ATP11B: variants seen among roughly 807,000 people sequenced by gnomAD.
The protein encoded by ATP11B is ATPase phospholipid transporting 11B (putative).
ATP11B carries 81 observed loss-of-function variants against 157.8 expected under a neutral mutation model. The ratio of observed to expected loss-of-function variants is 0.51; its 90% CI spans 0.43 to 0.62. The LOEUF (loss-of-function observed/expected upper bound fraction) is 0.62, where lower values mean the gene tolerates loss of function less well. ATP11B is among the 20% of genes least tolerant of loss of function. ATP11B has a pLI of 0.00. For missense variants in ATP11B, 1,165 were observed against 1,402.2 expected (o/e 0.83, Z 2.70); for synonymous variants, 451 against 469.4 (o/e 0.96, Z 0.51).
At chr3:182,834,359 G>A (rs1718379958) in intron 4 of ATP11B, among the ~76,000 whole-genome samples, 1 of 151,994 alleles carries the variant, frequency 6.6e-6, no homozygotes, top group Non-Finnish European at 1.5e-5. Flanking sequence ...AAAAATAATA[G>A]ATGCACATTT....
intron 8 of ATP11B, 81 bp from the exon 9 acceptor site, chr3:182,845,377 C>A: frequency 8.3e-7 from 1 of 1,199,000 alleles, no homozygotes; most frequent in Non-Finnish European, 1.2e-6. Context: ...AGCTTAAGTA[C>A]CTTCTGCTGA....
rs1721245303 is a variant in ATP11B at position 182,866,508 on chromosome 3, A to G, written c.1619+65A>G. The G allele has an allele frequency of 8.5e-6, 11 of 1,300,638 alleles. No individual in the cohort carries two copies. In the Middle Eastern group the frequency reaches 8.1e-4, roughly 95 times the overall value. The allele number at this position is 1,300,638 out of a possible 1,614,324, so 80.6% of individuals were successfully genotyped here. A position where few individuals can be genotyped will look rare whatever the true frequency, so the allele number is the denominator to read the frequency against. On this transcript the variant is annotated intron_variant, in intron 14 of 29. Transcript: ENST00000323116. ...TTTAAATAAATGTAACAATATTAGAATCATCATTTAAAATTTTCAAACATA... is the reference window on the plus strand; with the variant it reads ...TTTAAATAAATGTAACAATATTAGAGTCATCATTTAAAATTTTCAAACATA...
chr3:182,798,424 G>T (rs923240470), intron 1 of ATP11B, among the ~76,000 whole-genome samples: 1 of 152,236 alleles, frequency 6.6e-6, no homozygotes, highest in South Asian at 2.1e-4. Flanking sequence ...ACTGGCCTAG[G>T]GTGGTATTTT....
intron 25 of ATP11B, among the ~76,000 whole-genome samples, chr3:182,891,450 A>G (rs1187674988): frequency 2.6e-5 from 4 of 151,902 alleles, no homozygotes; most frequent in Admixed American, 6.6e-5. Flanking sequence ...CTTTTTTGCT[A>G]TTTTCATTAA....
chr3:182,837,295 G>T, intron 7 of ATP11B, 121 bp downstream of exon 7: 1 of 652,254 alleles, frequency 1.5e-6, no homozygotes. Context: ...GGGTGGGTTG[G>T]TGGGAGATGC....
Position 182,873,906 on chromosome 3 carries a change from A to C in ATP11B, c.2143A>C (p.Ser715Arg). The change falls in exon 19 of 30, where the codon AGT becomes CGT. Residue 715 changes from serine to arginine, a missense_variant. Around this residue, in one of 4 missense-constraint regions of ATP11B, gnomAD observed 737 missense variants for 930.5 expected, o/e 0.79. Coordinates refer to ENST00000323116, the MANE Select transcript of ATP11B (RefSeq NM_014616.3). ...TGGGGATAAACATGAAACAGCTGTT[A>C]GTGTGAGTTTATCATGTGGCCATTT... ...LTGDKHETAVSVSLSCGHFHR... is the reference protein window; with the variant it reads ...LTGDKHETAVRVSLSCGHFHR... 6.2e-7 allele frequency: 1 copy of C among 1,614,052 alleles called. No homozygotes were observed. The highest frequency in any genetic ancestry group is 1.1e-5 in the South Asian group (1 of 91,088).
intron 28 of ATP11B, among the ~76,000 whole-genome samples, chr3:182,903,186 C>A (rs558629970): frequency 6.6e-6 from 1 of 152,020 alleles, no homozygotes; most frequent in African/African-American, 2.4e-5. Context: ...AATTCTAGAA[C>A]TGTTTATATT....
intron 25 of ATP11B, among the ~76,000 whole-genome samples, chr3:182,896,083 T>G (rs1723531710): frequency 6.6e-6 from 1 of 152,240 alleles, no homozygotes; most frequent in African/African-American, 2.4e-5. Context: ...CTTGTAGAGA[T>G]AAAATCCTGA....
chr3:182,817,074 A>G (rs1413362840), intron 1 of ATP11B, among the ~76,000 whole-genome samples: 2 of 152,214 alleles, frequency 1.3e-5, no homozygotes, highest in African/African-American at 2.4e-5. Flanking sequence ...GCCATTGACT[A>G]TAATATGATT....
At chr3:182,885,040 A>G (rs1722707458) in intron 22 of ATP11B, 142 bp downstream of exon 22, 2 of 556,258 alleles carry the variant, frequency 3.6e-6, no homozygotes, top group Non-Finnish European at 5.6e-6. Context: ...TCTATTCTAT[A>G]CTGACAGAAA....
At chr3:182,906,827 GCCTGTAATC>G (rs1724395236) in intron 28 of ATP11B, among the ~76,000 whole-genome samples, 1 of 151,174 alleles carries the variant, frequency 6.6e-6, no homozygotes, top group African/African-American at 2.4e-5. Context: ...GGTGGCTCAC[GCCTGTAATC>G]CCAGCACTTT....
intron 28 of ATP11B, among the ~76,000 whole-genome samples, chr3:182,906,765 T>C (rs1375299325): frequency 7.0e-6 from 1 of 142,582 alleles, no homozygotes; most frequent in African/African-American, 2.8e-5. Context: ...ATTTTCATAG[T>C]TGTATCTGTT....
At chr3:182,831,511 C>T (rs1433008618) in intron 4 of ATP11B, among the ~76,000 whole-genome samples, 1 of 152,104 alleles carries the variant, frequency 6.6e-6, no homozygotes, top group Non-Finnish European at 1.5e-5. Context: ...CATGTCTTTT[C>T]AGTGATCTAC....
At chr3:182,798,699 C>T (rs1715787431) in intron 1 of ATP11B, among the ~76,000 whole-genome samples, 1 of 152,308 alleles carries the variant, frequency 6.6e-6, no homozygotes, top group Non-Finnish European at 1.5e-5. Flanking sequence ...ACATGGTATC[C>T]ACATATGGCT....
chr3:182,847,090 G>A (rs982862249), intron 9 of ATP11B, among the ~76,000 whole-genome samples: 1 of 126,280 alleles, frequency 7.9e-6, no homozygotes, highest in Non-Finnish European at 1.6e-5. Context: ...TTACTCTGTT[G>A]CCCAGGCTGG....
chr3:182,893,991 T>C (rs758085618), intron 25 of ATP11B, among the ~76,000 whole-genome samples: 25 of 152,192 alleles, frequency 1.6e-4, no homozygotes, highest in Non-Finnish European at 3.5e-4. Context: ...CTTTTGAGAA[T>C]TGCCTATTCA....
intron 2 of ATP11B, among the ~76,000 whole-genome samples, chr3:182,824,899 A>G (rs1397540740): frequency 6.6e-6 from 1 of 152,224 alleles, no homozygotes; most frequent in Non-Finnish European, 1.5e-5. Context: ...TGTAAATTTT[A>G]TGTATTTGTG....
At chr3:182,805,077 G>A (rs911191260) in intron 1 of ATP11B, among the ~76,000 whole-genome samples, 5 of 152,230 alleles carry the variant, frequency 3.3e-5, no homozygotes, top group Middle Eastern at 6.8e-3. Context: ...GAAATAACAC[G>A]GCTTTGACCA....
At chr3:182,891,564 A>G (rs1041214416) in intron 25 of ATP11B, among the ~76,000 whole-genome samples, 6 of 152,200 alleles carry the variant, frequency 3.9e-5, no homozygotes, top group Non-Finnish European at 2.9e-5. Context: ...GTAATACTCT[A>G]TTACATTGTC....
Sources: allele counts gnomAD v4.1 joint callset (sites outside exome capture counted in the v4.1 genomes callset), GRCh38; gene constraint gnomAD v4.1.1; regional missense constraint gnomAD v4.1.1; transcripts MANE v1.5; gene names NCBI Gene and HGNC (gene_info 2026-07-23, HGNC 2026-07-21).